Variants in GDAP1 observed in about 807,000 individuals in gnomAD.
GDAP1 encodes ganglioside-induced differentiation-associated protein 1.
GDAP1 carries 34 observed loss-of-function variants against 40.1 expected under a neutral mutation model. The observed-to-expected ratio is 0.85, with a 90% CI of 0.64 to 1.13. GDAP1 has a LOEUF of 1.13. Ranked by LOEUF, GDAP1 falls within the 50% of genes most tolerant of loss-of-function variation. The probability of loss-of-function intolerance (pLI) is 0.00; values close to 1 mark genes in which losing one functional copy is unlikely to be tolerated. For missense variants in GDAP1, 374 were observed against 433.7 expected, an observed-to-expected ratio of 0.86 and a Z score of 1.22; for synonymous variants, 170 against 157.4, an observed-to-expected ratio of 1.08 and a Z score of -0.60.
chr8:74,467,228 G>A (rs1806481056), intron 2 of GDAP1, among the ~76,000 whole-genome samples: 1 of 152,158 alleles, frequency 6.6e-6, no homozygotes, highest in Admixed American at 6.5e-5. Context: ...GTCTTAGAGA[G>A]TGGAAGATCA....
intron 2 of GDAP1, among the ~76,000 whole-genome samples, chr8:74,378,107 A>C (rs1248310595): frequency 1.3e-5 from 2 of 152,134 alleles, no homozygotes; most frequent in Non-Finnish European, 2.9e-5. Flanking sequence ...GAGTCCCCCA[A>C]AATCAGTGTA....
At chr8:74,387,107 A>C (rs1343093320) in intron 2 of GDAP1, among the ~76,000 whole-genome samples, 1 of 152,248 alleles carries the variant, frequency 6.6e-6, no homozygotes, top group Non-Finnish European at 1.5e-5. Flanking sequence ...TTCTAAATAT[A>C]CAATCATGTC....
At chr8:74,355,144 T>G (rs533549693) in intron 2 of GDAP1, among the ~76,000 whole-genome samples, 11 of 152,308 alleles carry the variant, frequency 7.2e-5, no homozygotes, top group Non-Finnish European at 1.5e-4. Flanking sequence ...CCTGAAATAG[T>G]GAATATCTGT....
intron 2 of GDAP1, among the ~76,000 whole-genome samples, chr8:74,409,476 G>A (rs113222658): frequency 0.011 from 1,600 of 149,542 alleles, 126 homozygotes; most frequent in Admixed American, 0.041. Flanking sequence ...CCCAGCCTCC[G>A]GAGTAGCTGG....
intron 2 of GDAP1, among the ~76,000 whole-genome samples, chr8:74,441,413 A>G (rs1310942422): frequency 6.6e-6 from 1 of 152,172 alleles, no homozygotes; most frequent in African/African-American, 2.4e-5. Flanking sequence ...AAGCTGATTC[A>G]GTTTTGGGTT....
chr8:74,488,621 A>G (rs1314805250), intron 2 of GDAP1: 1 of 152,156 alleles, frequency 6.6e-6, no homozygotes, highest in South Asian at 2.1e-4. Context: ...TAAATGCTGA[A>G]GACTATGATT....
intron 2 of GDAP1, among the ~76,000 whole-genome samples, chr8:74,399,227 T>G (rs200808749): frequency 2.1e-5 from 3 of 142,930 alleles, no homozygotes; most frequent in Non-Finnish European, 4.4e-5. Context: ...CAATTTCAGA[T>G]CCTGTTATTG....
intron 2 of GDAP1, among the ~76,000 whole-genome samples, chr8:74,413,732 T>C (rs935989550): frequency 8.1e-5 from 12 of 147,832 alleles, no homozygotes; most frequent in Non-Finnish European, 1.6e-4. Context: ...TTTTTTTTTT[T>C]TCCTCATTGT....
At chr8:74,352,084 G>A (rs1195592709) in intron 2 of GDAP1, among the ~76,000 whole-genome samples, 4 of 152,214 alleles carry the variant, frequency 2.6e-5, no homozygotes, top group Admixed American at 6.5e-5. Flanking sequence ...TGGTAGACAA[G>A]TTATTCCCAT....
At chr8:74,421,057 T>G (rs1805851450) in intron 2 of GDAP1, among the ~76,000 whole-genome samples, 1 of 151,922 alleles carries the variant, frequency 6.6e-6, no homozygotes, top group South Asian at 2.1e-4. Flanking sequence ...GATAGATAGA[T>G]GATAGATAGA....
At chr8:74,422,485 C>CTTT (rs1347719838) in intron 2 of GDAP1, among the ~76,000 whole-genome samples, 7 of 85,858 alleles carry the variant, frequency 8.2e-5, no homozygotes, top group African/African-American at 4.5e-4. Context: ...TCCCTCCCTC[C>CTTT]CTCCTTTCTC....
intron 2 of GDAP1, among the ~76,000 whole-genome samples, chr8:74,472,306 A>C (rs1010243423): frequency 1.3e-5 from 2 of 152,210 alleles, no homozygotes; most frequent in East Asian, 3.8e-4. Flanking sequence ...CATAGTGTAC[A>C]TGTACCACAT....
intron 2 of GDAP1, among the ~76,000 whole-genome samples, chr8:74,402,665 A>G (rs1198478879): frequency 1.3e-5 from 2 of 150,328 alleles, no homozygotes; most frequent in Admixed American, 6.6e-5. Flanking sequence ...TGGGAGCTAT[A>G]GACTGGAGCT....
At chr8:74,403,375 T>C (rs1342534129) in intron 2 of GDAP1, among the ~76,000 whole-genome samples, 1 of 150,154 alleles carries the variant, frequency 6.7e-6, no homozygotes, top group African/African-American at 2.5e-5. Flanking sequence ...TTTAAAAGTT[T>C]AATTATTAAT....
chr8:74,395,159 A>T (rs1810174212), intron 2 of GDAP1, among the ~76,000 whole-genome samples: 1 of 152,170 alleles, frequency 6.6e-6, no homozygotes, highest in Admixed American at 6.5e-5. Context: ...TGTTCACCTT[A>T]TTTTATAGAA....
exon 3 of GDAP1, chr8:74,488,802 G>T (rs1250705727): frequency 1.3e-5 from 2 of 152,084 alleles, no homozygotes; most frequent in Non-Finnish European, 2.9e-5. Context: ...CCTGCCAGTT[G>T]GGTTTATTTC....
At chr8:74,460,855 G>T (rs567331479) in intron 2 of GDAP1, among the ~76,000 whole-genome samples, 64 of 152,234 alleles carry the variant, frequency 4.2e-4, no homozygotes, top group African/African-American at 1.1e-3. Context: ...AAGAGGAGAA[G>T]AGAAGACAAA....
chr8:74,356,520 G>A (rs4737413), intron 2 of GDAP1, among the ~76,000 whole-genome samples: 28,440 of 151,280 alleles, frequency 0.19, 2,935 homozygotes, highest in Admixed American at 0.31. Flanking sequence ...TTTGACACCG[G>A]GTCTTTTTGT....
intron 2 of GDAP1, among the ~76,000 whole-genome samples, chr8:74,485,527 G>A (rs1806765689): frequency 1.3e-5 from 2 of 152,120 alleles, no homozygotes; most frequent in East Asian, 1.9e-4. Context: ...TACAAAAAAT[G>A]GTTAGAGAGC....
Sources: allele counts gnomAD v4.1 joint callset (sites outside exome capture counted in the v4.1 genomes callset), GRCh38; gene constraint gnomAD v4.1.1; transcripts MANE v1.5; gene names NCBI Gene and HGNC (gene_info 2026-07-23, HGNC 2026-07-21).